Variants in TMEM150B observed in about 807,000 individuals in gnomAD.
The protein encoded by TMEM150B is modulator of macroautophagy TMEM150B.
TMEM150B carries 33 observed loss-of-function variants against 25.2 expected under a neutral mutation model. That is an observed-to-expected ratio of 1.31 (90% CI 0.99 to 1.75). The LOEUF (loss-of-function observed/expected upper bound fraction) is 1.75, where lower values mean the gene tolerates loss of function less well. Among genes scored for constraint, TMEM150B ranks in the 40% most tolerant of loss-of-function variants. The pLI is 0.00. For synonymous variants in TMEM150B, 133 were observed against 134.8 expected, an observed-to-expected ratio of 0.99 and a Z score of 0.09; for missense variants, 322 against 306.1, an observed-to-expected ratio of 1.05 and a Z score of -0.39.
intron 7 of TMEM150B, among the ~76,000 whole-genome samples, chr19:55,316,399 G>A (rs935040157): frequency 6.6e-6 from 1 of 152,076 alleles, no homozygotes; most frequent in Non-Finnish European, 1.5e-5. Context: ...TCAAGGGACT[G>A]TTCTTAGTAT....
downstream of TMEM150B, among the ~76,000 whole-genome samples, chr19:55,311,441 G>A (rs918406343): frequency 2.0e-5 from 3 of 152,160 alleles, no homozygotes; most frequent in African/African-American, 4.8e-5. Flanking sequence ...CCAGCATGAG[G>A]GGCCTGAGAC....
intron 1 of TMEM150B, 67 bp downstream of exon 1, chr19:55,325,205 G>T (rs1038619710): frequency 9.0e-5 from 82 of 908,616 alleles, no homozygotes; most frequent in Non-Finnish European, 1.1e-4. Flanking sequence ...GACCCTCCCT[G>T]GGAGGACAGG....
At chr19:55,315,662 G>C (rs2088972871) in intron 7 of TMEM150B, among the ~76,000 whole-genome samples, 1 of 152,042 alleles carries the variant, frequency 6.6e-6, no homozygotes, top group Non-Finnish European at 1.5e-5. Flanking sequence ...TCAGGAGGCT[G>C]AGGCAGGAGA....
intron 2 of TMEM150B, 43 bp from the exon 3 acceptor site, chr19:55,321,136 G>A: frequency 6.7e-7 from 1 of 1,493,710 alleles, no homozygotes; most frequent in South Asian, 1.4e-5. Context: ...GCATGAGATT[G>A]TGGCCCCAAC....
At chr19:55,319,947 C>T (rs1437311219) in intron 6 of TMEM150B, 92 bp downstream of exon 6, 1 of 1,570,094 alleles carries the variant, frequency 6.4e-7, no homozygotes, top group East Asian at 2.3e-5. Context: ...GAACCAGCCC[C>T]CGAGACAATA....
At chr19:55,318,501 T>C (rs2089080675) in intron 6 of TMEM150B, among the ~76,000 whole-genome samples, 1 of 151,846 alleles carries the variant, frequency 6.6e-6, no homozygotes, top group Non-Finnish European at 1.5e-5. Flanking sequence ...CCAGGCCTGG[T>C]GGCAGGTGCC....
Position 55,316,988 on chromosome 19 carries a change from TGGGA to T in TMEM150B, c.325-26_325-23del, listed in dbSNP as rs775155621. Reference sequence around the variant, plus strand: ...TTTCCTGGGAGGAGAAGGGAGAAGTTGGGAGGGAGACTCTGGGAAGGAGGGTAAG... The same window carrying T: ...TTTCCTGGGAGGAGAAGGGAGAAGTTGGGAGACTCTGGGAAGGAGGGTAAG... On this transcript the variant is annotated intron_variant, in intron 6 of 7. Coordinates refer to ENST00000326652, the MANE Select transcript of TMEM150B (RefSeq NM_001282011.2). 7 of 1,586,900 alleles carry T rather than the reference TGGGA, an allele frequency of 4.4e-6. No individual in the cohort carries two copies. In the Admixed American group the frequency reaches 7.6e-5, roughly 17 times the overall value.
intron 1 of TMEM150B, among the ~76,000 whole-genome samples, chr19:55,324,150 A>C (rs943994161): frequency 2.0e-5 from 3 of 151,938 alleles, no homozygotes; most frequent in Non-Finnish European, 4.4e-5. Context: ...TTTGAGATTC[A>C]TCCATGTTGT....
chr19:55,309,499 C>A (rs1057354066), downstream of TMEM150B, among the ~76,000 whole-genome samples: 1 of 152,208 alleles, frequency 6.6e-6, no homozygotes, highest in Admixed American at 6.5e-5. Flanking sequence ...AGTCCAAGAT[C>A]AAGCTGCCAG....
rs1466267948 is a variant in TMEM150B, at chr19:55,318,565, G to A, written c.324+1474C>T. ...GCAGGAGAATCGCTTGAACCCAGCA[G>A]GCGGAGGTTGCGGTGAGCCAAGATC... On this transcript the variant is annotated intron_variant, in intron 6 of 7. Transcript: ENST00000326652. 2.6e-5 allele frequency among the ~76,000 whole-genome samples: 4 copies of A among 152,026 alleles called. No individual in the cohort carries two copies. The South Asian group carries it at 6.2e-4, about 24-fold the overall frequency.
At position 55,320,622 on chromosome 19, in the gene TMEM150B, G is replaced by T; in HGVS notation, c.69-5C>A. 1 of 1,613,844 alleles carries T rather than the reference G, an allele frequency of 6.2e-7. No individual in the cohort carries two copies. The highest frequency in any genetic ancestry group is 8.5e-7 in the Non-Finnish European group (1 of 1,179,932). ...TTGGTCACTGCAATGGCAAAACTACGGAGGAAATCAGAGTGAGTGGGCGAC... is the reference window on the plus strand; with the variant it reads ...TTGGTCACTGCAATGGCAAAACTACTGAGGAAATCAGAGTGAGTGGGCGAC... On this transcript the variant is annotated splice_region_variant and splice_polypyrimidine_tract_variant and intron_variant, in intron 3 of 7. Transcript: ENST00000326652.
downstream of TMEM150B, among the ~76,000 whole-genome samples, chr19:55,310,039 A>G (rs2088748471): frequency 6.6e-6 from 1 of 152,184 alleles, no homozygotes; most frequent in Non-Finnish European, 1.5e-5. The surrounding 1 kb of genome is among the most constrained non-coding windows in gnomAD (Gnocchi z 5.0). Flanking sequence ...TTGTCACCAG[A>G]AACTCTGAGT....
At chr19:55,322,370 C>T (rs569422726) in intron 2 of TMEM150B, among the ~76,000 whole-genome samples, 1 of 152,224 alleles carries the variant, frequency 6.6e-6, no homozygotes, top group Admixed American at 6.5e-5. Context: ...TTTCCTCTTT[C>T]TCTCTCCTCC....
intron 7 of TMEM150B, among the ~76,000 whole-genome samples, chr19:55,314,454 T>G (rs1002535689): frequency 3.3e-5 from 5 of 152,160 alleles, no homozygotes; most frequent in Non-Finnish European, 4.4e-5. Context: ...GCTCGGTGCG[T>G]GTACCTGCAG....
chr19:55,325,135 C>G (rs756732329), intron 1 of TMEM150B, 137 bp downstream of exon 1: 6 of 345,788 alleles, frequency 1.7e-5, no homozygotes, highest in African/African-American at 2.2e-5. Context: ...AACTCGGTGT[C>G]CTGGCACAAA....
At chr19:55,324,716 G>A (rs1019002759) in intron 1 of TMEM150B, 1 of 985,186 alleles carries the variant, frequency 1.0e-6, no homozygotes, top group Non-Finnish European at 1.2e-6. Flanking sequence ...GGCTGATAGA[G>A]GGCAAAGCTC....
intron 6 of TMEM150B, 74 bp downstream of exon 6, chr19:55,319,965 G>C (rs761785218): frequency 1.7e-5 from 27 of 1,606,334 alleles, no homozygotes; most frequent in Non-Finnish European, 2.3e-5. Context: ...ATAAGCCTAT[G>C]GCCACGGGGC....
chr19:55,324,372 G>A (rs1248822121), intron 1 of TMEM150B, among the ~76,000 whole-genome samples: 7 of 151,624 alleles, frequency 4.6e-5, no homozygotes, highest in African/African-American at 1.7e-4. Context: ...CTGGGTGGCC[G>A]GGCATGGTGG....
In TMEM150B at chr19:55,322,643, C is replaced by T; in HGVS notation, c.-58+5G>A. On this transcript the variant is annotated splice_donor_5th_base_variant and intron_variant, in intron 2 of 7. Transcript: ENST00000326652. ...CAGCCTCCAGGGCCTCCCCAGGATG[C>T]TCACCTCTCCAAGCTTCCTGGGGCT... The T allele has an allele frequency of 1.0e-6, 1 of 985,306 alleles. No homozygotes were observed. Among genetic ancestry groups the T allele is most frequent in the Non-Finnish European group, 1.2e-6 (1 of 829,930 alleles). 61.0% of individuals were successfully genotyped at this position (985,306 alleles called of 1,614,324 possible).
Sources: allele counts gnomAD v4.1 joint callset (sites outside exome capture counted in the v4.1 genomes callset), GRCh38; gene constraint gnomAD v4.1.1; non-coding constraint Gnocchi (gnomAD v3.1); transcripts MANE v1.5; gene names NCBI Gene and HGNC (gene_info 2026-07-23, HGNC 2026-07-21).